Variants in UQCC1 observed in about 807,000 individuals in gnomAD.
UQCC1 encodes bFGF-repressed Zic-binding protein.
Under a neutral mutation model 48.0 loss-of-function variants are expected in UQCC1, and 38 were observed. The ratio of observed to expected loss-of-function variants is 0.79; its 90% CI spans 0.61 to 1.04. UQCC1 has a LOEUF of 1.04. Ranked by LOEUF, UQCC1 falls within the 50% of genes least tolerant of loss-of-function variation. UQCC1 has a pLI of 0.00. For missense variants in UQCC1, 368 were observed against 381.8 expected (o/e 0.96, Z 0.30); for synonymous variants, 111 against 129.2 (o/e 0.86, Z 0.95).
At chr20:35,374,122 A>G in intron 5 of UQCC1, 62 bp downstream of exon 5, 2 of 1,379,094 alleles carry the variant, frequency 1.5e-6, no homozygotes, top group Non-Finnish European at 2.0e-6. Context: ...CTATTAAAAC[A>G]CAACCATAAA....
chr20:35,395,466 A>C (rs114207112), intron 1 of UQCC1, among the ~76,000 whole-genome samples: 4,259 of 151,866 alleles, frequency 0.028, 212 homozygotes, highest in African/African-American at 0.097. Context: ...ACAAAAAAAA[A>C]CCCATAAACT....
At chr20:35,399,856 CA>C (rs200580923) in intron 1 of UQCC1, among the ~76,000 whole-genome samples, 1,540 of 100,162 alleles carry the variant, frequency 0.015, 30 homozygotes, top group African/African-American at 0.055. Flanking sequence ...AGACTCCACT[CA>C]AAAAAAAAAA....
At chr20:35,311,186 AAG>A (rs1389088093) in intron 8 of UQCC1, among the ~76,000 whole-genome samples, 1 of 152,126 alleles carries the variant, frequency 6.6e-6, no homozygotes, top group African/African-American at 2.4e-5. Context: ...CAAACGGCCT[AAG>A]AGAGAGCACA....
intron 2 of UQCC1, chr20:35,384,711 G>A: frequency 2.3e-6 from 1 of 438,434 alleles, no homozygotes; most frequent in Non-Finnish European, 4.5e-6. Flanking sequence ...GCTCACACCT[G>A]TAATCCCAGC....
chr20:35,406,187 C>T (rs2062247805), intron 1 of UQCC1, among the ~76,000 whole-genome samples: 1 of 152,062 alleles, frequency 6.6e-6, no homozygotes, highest in African/African-American at 2.4e-5. Context: ...AAGAAAAGGA[C>T]CGAAAAATAT....
At chr20:35,360,280 A>T (rs1466113922) in intron 6 of UQCC1, among the ~76,000 whole-genome samples, 1 of 152,106 alleles carries the variant, frequency 6.6e-6, no homozygotes, top group Admixed American at 6.5e-5. Context: ...AATCCAGCAG[A>T]AGCCTGAATG....
intron 7 of UQCC1, among the ~76,000 whole-genome samples, chr20:35,336,436 C>T (rs2061317099): frequency 6.6e-6 from 1 of 152,196 alleles, no homozygotes; most frequent in African/African-American, 2.4e-5. Flanking sequence ...TGCCATCACA[C>T]ATATCCTTCC....
chr20:35,305,855 C>T (rs1473244580), intron 9 of UQCC1, among the ~76,000 whole-genome samples: 1 of 152,230 alleles, frequency 6.6e-6, no homozygotes, highest in African/African-American at 2.4e-5. Flanking sequence ...ACTCATGGCA[C>T]AGCCTGAGCT....
intron 2 of UQCC1, among the ~76,000 whole-genome samples, chr20:35,386,118 C>T (rs552419979): frequency 1.3e-5 from 2 of 151,852 alleles, no homozygotes; most frequent in African/African-American, 2.4e-5. Flanking sequence ...AACATGACTG[C>T]GTAGACTGCA....
intron 1 of UQCC1, among the ~76,000 whole-genome samples, chr20:35,396,017 C>T (rs1601016658): frequency 7.2e-6 from 1 of 138,148 alleles, no homozygotes; most frequent in Non-Finnish European, 1.5e-5. Flanking sequence ...CTGAGTCTCG[C>T]TCTGTCACCC....
intron 1 of UQCC1, among the ~76,000 whole-genome samples, chr20:35,398,765 G>A (rs942415703): frequency 6.9e-6 from 1 of 144,112 alleles, no homozygotes; most frequent in Non-Finnish European, 1.5e-5. Flanking sequence ...GGGGGGGGGG[G>A]GGGGCGGTGC....
chr20:35,312,363 A>C (rs1175887387), intron 8 of UQCC1, among the ~76,000 whole-genome samples: 1 of 152,150 alleles, frequency 6.6e-6, no homozygotes, highest in Non-Finnish European at 1.5e-5. Flanking sequence ...ATTTTAACAA[A>C]AGTTAAGAAA....
chr20:35,371,577 C>G (rs1310282924), intron 5 of UQCC1, among the ~76,000 whole-genome samples: 2 of 151,610 alleles, frequency 1.3e-5, no homozygotes, highest in African/African-American at 4.8e-5. Context: ...AGTGATTCAC[C>G]CACTTCAGAC....
At chr20:35,339,402 TGGA>T (rs763540838) in intron 7 of UQCC1, among the ~76,000 whole-genome samples, 12 of 152,046 alleles carry the variant, frequency 7.9e-5, no homozygotes, top group Non-Finnish European at 1.5e-4. Context: ...AAAAGCTTCT[TGGA>T]GGAGGTGTTA....
At chr20:35,345,199 A>G (rs2061419608) in intron 7 of UQCC1, 1 of 152,220 alleles carries the variant, frequency 6.6e-6, no homozygotes. Flanking sequence ...AATTAATTGA[A>G]CCAAAGAAAG....
At chr20:35,381,433 T>C (rs1341727184) in intron 4 of UQCC1, among the ~76,000 whole-genome samples, 1 of 152,122 alleles carries the variant, frequency 6.6e-6, no homozygotes, top group East Asian at 1.9e-4. Flanking sequence ...CCTGCTACTA[T>C]GAGATGCTTC....
intron 7 of UQCC1, among the ~76,000 whole-genome samples, chr20:35,316,598 A>T (rs1036495001): frequency 6.6e-6 from 1 of 152,138 alleles, no homozygotes; most frequent in Non-Finnish European, 1.5e-5. Context: ...TAGTTTTGCT[A>T]TGTACACAGG....
chr20:35,312,956 G>A (rs2061010288), intron 8 of UQCC1, among the ~76,000 whole-genome samples: 1 of 152,158 alleles, frequency 6.6e-6, no homozygotes, highest in African/African-American at 2.4e-5. Flanking sequence ...TTTGGAAGAT[G>A]GAAAAGCTCT....
At chr20:35,327,925 C>G in intron 7 of UQCC1, among the ~76,000 whole-genome samples, 1 of 150,680 alleles carries the variant, frequency 6.6e-6, no homozygotes, top group East Asian at 1.9e-4. Flanking sequence ...TTGCTTGAAC[C>G]AGGAGGCAAA....
Sources: allele counts gnomAD v4.1 joint callset (sites outside exome capture counted in the v4.1 genomes callset), GRCh38; gene constraint gnomAD v4.1.1; transcripts MANE v1.5; gene names NCBI Gene and HGNC (gene_info 2026-07-23, HGNC 2026-07-21).